ELL: variants seen among roughly 807,000 people sequenced by gnomAD.
The protein encoded by ELL is RNA polymerase II elongation factor ELL.
ELL carries 18 observed loss-of-function variants against 64.0 expected under a neutral mutation model. That is an observed-to-expected ratio of 0.28 (90% confidence interval 0.19 to 0.42). The LOEUF is 0.42. ELL is among the 10% of genes least tolerant of loss of function. The pLI is 1.00. For missense variants in ELL, 797 were observed against 870.4 expected (o/e 0.92, Z 1.06); for synonymous variants, 399 against 376.2 (o/e 1.06, Z -0.70).
intron 5 of ELL, 71 bp from the exon 6 acceptor site, chr19:18,458,400 G>GA: frequency 6.4e-7 from 1 of 1,568,288 alleles, no homozygotes; most frequent in Non-Finnish European, 8.6e-7. Context: ...AAAAAGATCT[G>GA]ATAGTGGGTT....
At chr19:18,509,567 A>G (rs1025166337) in intron 1 of ELL, among the ~76,000 whole-genome samples, 1 of 150,060 alleles carries the variant, frequency 6.7e-6, no homozygotes, top group Non-Finnish European at 1.5e-5. Context: ...AGATGGAGAC[A>G]CAGGCCAATG....
Position 18,522,029 on chromosome 19 carries a change from G to C in ELL, c.27C>G (p.Ser9Arg), listed in dbSNP as rs369193595. Residue 9 changes from serine (S) to arginine (R), a missense_variant, in exon 1 of 12, where the codon AGC becomes AGG. Coordinates refer to ENST00000262809, the MANE Select transcript of ELL (RefSeq NM_006532.4). ...TAACCCGCCCGCACGACAGCCCGTA[G>C]CTCCTATCCTCCTTCAGCGCCGCCA... MAALKEDR[S>R]YGLSCGRVSD... The C allele has an allele frequency of 3.1e-6, 5 of 1,608,432 alleles. No individual in the cohort carries two copies. Among genetic ancestry groups the C allele is most frequent in the Non-Finnish European group, 4.2e-6 (5 of 1,177,330 alleles).
chr19:18,516,994 G>T (rs1329582370), intron 1 of ELL, among the ~76,000 whole-genome samples: 3 of 152,076 alleles, frequency 2.0e-5, no homozygotes, highest in African/African-American at 7.2e-5. Flanking sequence ...ACAACGGTGT[G>T]CTCCTCTCCA....
intron 1 of ELL, among the ~76,000 whole-genome samples, chr19:18,509,483 C>A (rs1259682500): frequency 6.6e-6 from 1 of 152,124 alleles, no homozygotes; most frequent in Non-Finnish European, 1.5e-5. Context: ...CACCCGGCCC[C>A]TTGGCCCACA....
At chr19:18,494,251 GGGGAAGGGGAGGGGAA>G (rs1359129808) in intron 1 of ELL, among the ~76,000 whole-genome samples, 5 of 151,884 alleles carry the variant, frequency 3.3e-5, no homozygotes, top group Non-Finnish European at 5.9e-5. Flanking sequence ...AAAGAGGGGA[GGGGAAGGGGAGGGGAA>G]GGGAAGGGGA....
At position 18,458,215 on chromosome 19, in the gene ELL, C is replaced by A. The variant is rs749268169; in HGVS notation, c.859G>T (p.Val287Leu). Reference protein sequence around the residue: ...SEGDQQLLKRVLVRKLCQPQS... With the variant: ...SEGDQQLLKRLLVRKLCQPQS... ...GGGAGGCGGCATTACCGGACGAGCACCCGCTTCAGCAGCTGCTGGTCCCCC... is the reference window on the plus strand; with the variant it reads ...GGGAGGCGGCATTACCGGACGAGCAACCGCTTCAGCAGCTGCTGGTCCCCC... The change falls in exon 6 of 12, where the codon GTG becomes TTG. Residue 287 changes from valine to leucine, a missense_variant. Coordinates refer to ENST00000262809, the MANE Select transcript of ELL (RefSeq NM_006532.4). 8.7e-6 allele frequency: 14 copies of A among 1,610,310 alleles called. No individual in the cohort carries two copies. The highest frequency in any genetic ancestry group is 1.7e-4 in the Middle Eastern group (1 of 6,060).
intron 2 of ELL, among the ~76,000 whole-genome samples, chr19:18,471,876 C>T (rs1279025150): frequency 6.6e-6 from 1 of 152,202 alleles, no homozygotes; most frequent in African/African-American, 2.4e-5. Flanking sequence ...AAAATCCAGA[C>T]AAATGTCCAA....
chr19:18,513,473 C>G (rs1047509904), intron 1 of ELL, among the ~76,000 whole-genome samples: 2 of 152,146 alleles, frequency 1.3e-5, no homozygotes, highest in Non-Finnish European at 2.9e-5. Flanking sequence ...TATGACAACA[C>G]GGTACACCCA....
At chr19:18,495,135 G>A (rs112771305) in intron 1 of ELL, among the ~76,000 whole-genome samples, 10 of 152,328 alleles carry the variant, frequency 6.6e-5, no homozygotes, top group African/African-American at 1.9e-4. Flanking sequence ...GAGTGACACA[G>A]GGACCCCTGG....
chr19:18,494,407 T>G (rs1975602942), intron 1 of ELL, among the ~76,000 whole-genome samples: 1 of 151,892 alleles, frequency 6.6e-6, no homozygotes, highest in Non-Finnish European at 1.5e-5. Context: ...TTTGTTTTTT[T>G]TTTTGAGACG....
chr19:18,521,739 G>A (rs953779279), intron 1 of ELL, among the ~76,000 whole-genome samples, 182 bp downstream of exon 1: 3 of 152,100 alleles, frequency 2.0e-5, no homozygotes, highest in Non-Finnish European at 4.4e-5. Context: ...GTGCTGAGAA[G>A]GAACGCGGTT....
At chr19:18,445,465 T>G in intron 10 of ELL, 197 bp from the exon 11 acceptor site, 1 of 443,340 alleles carries the variant, frequency 2.3e-6, no homozygotes, top group East Asian at 4.8e-5. Flanking sequence ...GGCTGCCGGG[T>G]CCCCTGGAGG....
intron 1 of ELL, among the ~76,000 whole-genome samples, chr19:18,492,355 T>C (rs537038878): frequency 2.6e-5 from 4 of 152,348 alleles, no homozygotes; most frequent in African/African-American, 9.6e-5. Context: ...AGGGGTGTCC[T>C]TGAATTTGAG....
At chr19:18,458,413 G>A in intron 5 of ELL, 84 bp from the exon 6 acceptor site, 1 of 1,552,970 alleles carries the variant, frequency 6.4e-7, no homozygotes, top group Admixed American at 1.7e-5. Context: ...AGTGGGTTTG[G>A]GAGGGTGTGC....
At chr19:18,491,249 A>ATTTTT (rs565016319) in intron 1 of ELL, among the ~76,000 whole-genome samples, 6 of 72,472 alleles carry the variant, frequency 8.3e-5, no homozygotes, top group South Asian at 5.3e-4. Flanking sequence ...CACCTGGCTA[A>ATTTTT]TTTTTTTTTT....
Position 18,461,743 on chromosome 19 carries a change from G to C in ELL, c.579C>G (p.Ala193=). 6.2e-7 allele frequency: 1 copy of C among 1,613,982 alleles called. No individual in the cohort carries two copies. Among genetic ancestry groups the C allele is most frequent in the Non-Finnish European group, 8.5e-7 (1 of 1,180,014 alleles). The change falls in exon 5 of 12, where the codon GCC becomes GCG. Residue 193 remains alanine (A), a synonymous_variant. Transcript: ENST00000262809. ...CCCCGCTGCCCCCACTCACGGCACTGGCACCACTCTTCCTGATGGCACTCG... is the reference window on the plus strand; with the variant it reads ...CCCCGCTGCCCCCACTCACGGCACTCGCACCACTCTTCCTGATGGCACTCG... ...NLASAIRKSG[A]SAVSGGSGVS...
intron 1 of ELL, among the ~76,000 whole-genome samples, chr19:18,516,374 C>T (rs551585696): frequency 6.6e-6 from 1 of 152,312 alleles, no homozygotes; most frequent in Admixed American, 6.5e-5. Flanking sequence ...ACTGCAGCTC[C>T]GTGTCACCTG....
chr19:18,466,142 CA>C (rs1974931371), intron 2 of ELL, among the ~76,000 whole-genome samples: 1 of 152,216 alleles, frequency 6.6e-6, no homozygotes, highest in Non-Finnish European at 1.5e-5. Flanking sequence ...TGCGGGTGGG[CA>C]TGGGGCCAGG....
At chr19:18,495,867 G>A (rs1377651714) in intron 1 of ELL, among the ~76,000 whole-genome samples, 1 of 152,232 alleles carries the variant, frequency 6.6e-6, no homozygotes, top group East Asian at 1.9e-4. Flanking sequence ...CAGGCCCACT[G>A]AGGCCTCTTC....
Sources: gnomAD v4.1 joint callset for allele counts (sites outside exome capture counted in the v4.1 genomes callset) on GRCh38, gnomAD v4.1.1 for gene constraint, MANE v1.5 for transcripts, NCBI Gene and HGNC (gene_info 2026-07-23, HGNC 2026-07-21) for gene names.